The following TP53BP1 variants were observed in gnomAD, a reference collection of about 807,000 sequenced individuals.
The protein encoded by TP53BP1 is TP53-binding protein 1.
Under a neutral mutation model 200.8 loss-of-function variants are expected in TP53BP1, and 61 were observed. The ratio of observed to expected loss-of-function variants is 0.30; its 90% CI spans 0.25 to 0.38. The LOEUF is 0.38. Ranked by LOEUF, TP53BP1 falls within the 10% of genes least tolerant of loss-of-function variation. TP53BP1 has a pLI of 1.00. For synonymous variants in TP53BP1, 822 were observed against 844.3 expected, an observed-to-expected ratio of 0.97 and a Z score of 0.46; for missense variants, 2,144 against 2,371.9, an observed-to-expected ratio of 0.90 and a Z score of 2.00.
At chr15:43,415,932 A>G (rs985125667) in intron 22 of TP53BP1, 123 bp from the exon 23 acceptor site, 3 of 834,864 alleles carry the variant, frequency 3.6e-6, no homozygotes, top group Non-Finnish European at 5.7e-6. Context: ...CCATGAGGCC[A>G]AGAAGCTTCT....
rs377633035 is a variant in TP53BP1 at position 43,408,109 on chromosome 15, G to A, written c.5601-21C>T. On this transcript the variant is annotated intron_variant, in intron 26 of 27. Transcript: ENST00000382044. ...GTTGCCTATGAAGGAGACAGGAAAG[G>A]ACCTTAGCATGACAAGTAATATCCA... The A allele has an allele frequency of 3.3e-5, 53 of 1,610,502 alleles. No homozygotes were observed. In the African/African-American group the frequency reaches 5.2e-4, roughly 16 times the overall value.
upstream of TP53BP1, among the ~76,000 whole-genome samples, chr15:43,494,917 A>T (rs1327373242): frequency 1.3e-5 from 2 of 152,238 alleles, no homozygotes; most frequent in African/African-American, 4.8e-5. Flanking sequence ...GGCTGGGCGC[A>T]GTGGCTTACA....
intron 20 of TP53BP1, 143 bp from the exon 21 acceptor site, chr15:43,420,878 T>C (rs2045380282): frequency 1.5e-6 from 2 of 1,296,816 alleles, no homozygotes; most frequent in Admixed American, 2.4e-5. Flanking sequence ...CTGGTCTCTC[T>C]GTGGCCTCAC....
chr15:43,463,060 A>T (rs1399162611), intron 11 of TP53BP1, among the ~76,000 whole-genome samples: 1 of 152,208 alleles, frequency 6.6e-6, no homozygotes, highest in Non-Finnish European at 1.5e-5. Context: ...CCATCTCAAA[A>T]AAAACACAAA....
rs2045925251 is a variant in TP53BP1 at position 43,441,552 on chromosome 15, A to G, written c.3072T>C (p.Ser1024=). 1 of 1,613,488 alleles carries G rather than the reference A, an allele frequency of 6.2e-7. No individual in the cohort carries two copies. Among genetic ancestry groups the G allele is most frequent in the Non-Finnish European group, 8.5e-7 (1 of 1,179,542 alleles). ...KPATGERKNG[S]TAVAESVASP... is the part of the protein sequence containing the mutation. ...TGGCAACAGACTCAGCAACAGCAGT[A>G]GATCCATTTTTTCTTTCACCAGTTG... The change falls in exon 15 of 28, where the codon TCT becomes TCC. Residue 1024 remains serine, a synonymous_variant. Transcript: ENST00000382044.
chr15:43,482,535 G>A lies in TP53BP1; in HGVS notation c.372-1513C>T, dbSNP rs140389884. On this transcript the variant is annotated intron_variant, in intron 4 of 27. Transcript: ENST00000382044. Reference sequence around the variant, plus strand: ...TGTAATCCCAGCACTTTGGGAGGCCGAAACAGGCGGATCACAAGGTCAGGA... The same window carrying A: ...TGTAATCCCAGCACTTTGGGAGGCCAAAACAGGCGGATCACAAGGTCAGGA... Among the ~76,000 whole-genome samples, 1,062 of 152,240 alleles carry A rather than the reference G, an allele frequency of 7.0e-3. 16 individuals carry two copies. The highest frequency in any genetic ancestry group is 0.038 in the East Asian group (198 of 5,164).
intron 11 of TP53BP1, among the ~76,000 whole-genome samples, chr15:43,460,124 TA>T (rs1349170788): frequency 6.6e-6 from 1 of 152,218 alleles, no homozygotes; most frequent in Non-Finnish European, 1.5e-5. Context: ...AATACTTCAA[TA>T]TTTTTAAAAA....
chr15:43,444,806 T>C (rs557604735), intron 14 of TP53BP1, among the ~76,000 whole-genome samples: 1 of 152,266 alleles, frequency 6.6e-6, no homozygotes, highest in South Asian at 2.1e-4. Flanking sequence ...CTTCAATAGC[T>C]TCCCCTCCCA....
chr15:43,463,372 CAT>C, intron 11 of TP53BP1, among the ~76,000 whole-genome samples: 1 of 152,270 alleles, frequency 6.6e-6, no homozygotes, highest in South Asian at 2.1e-4. Context: ...TCTCTTTACA[CAT>C]ATTTAAATCT....
chr15:43,477,875 A>G (rs918743435), intron 7 of TP53BP1, 116 bp from the exon 8 acceptor site: 33 of 704,180 alleles, frequency 4.7e-5, no homozygotes, highest in Admixed American at 6.8e-5. Context: ...CAGTGGCTCT[A>G]ATTTACATAA....
rs1405905682 is a variant in TP53BP1 at position 43,407,055 on chromosome 15, G to GGAAT, written c.*324_*327dup. ...TTAGACACCCTGGAATAACCTTTTG[G>GGAAT]GAATGATGCCACAGAATAAAGTTCA... On this transcript the variant is annotated 3_prime_UTR_variant, in exon 28 of 28. Transcript: ENST00000382044. The GGAAT allele has an allele frequency of 1.5e-5, 4 of 258,288 alleles. No homozygotes were observed. The highest frequency in any genetic ancestry group is 9.3e-5 in the East Asian group (1 of 10,768). The allele number at this position is 258,288 out of a possible 1,614,324, so 16.0% of individuals were successfully genotyped here.
At position 43,406,621 on chromosome 15, in the gene TP53BP1, T is replaced by A. The variant is rs2044898285; in HGVS notation, c.*762A>T. 2.2e-6 allele frequency: 1 copy of A among 455,908 alleles called. No individual in the cohort carries two copies. The allele number at this position is 455,908 out of a possible 1,614,324, so 28.2% of individuals were successfully genotyped here. ...TACAGAAAAAAACCTTGTTGACCCCTGCTTTAGAGAATGAGAAGCCATGCA... is the reference window on the plus strand; with the variant it reads ...TACAGAAAAAAACCTTGTTGACCCCAGCTTTAGAGAATGAGAAGCCATGCA... On this transcript the variant is annotated 3_prime_UTR_variant, in exon 28 of 28. Coordinates refer to ENST00000382044, the MANE Select transcript of TP53BP1 (RefSeq NM_001141980.3).
rs1019277766 is a variant in TP53BP1 at position 43,479,674 on chromosome 15, A to G, written c.659-148T>C. The G allele has an allele frequency of 3.4e-6, 4 of 1,165,460 alleles. No individual in the cohort carries two copies. The South Asian group carries it at 4.9e-5, about 14-fold the overall frequency. 72.2% of individuals were successfully genotyped at this position (1,165,460 alleles called of 1,614,324 possible). A position where few individuals can be genotyped will look rare whatever the true frequency, so the allele number is the denominator to read the frequency against. On this transcript the variant is annotated intron_variant, in intron 6 of 27. Coordinates refer to ENST00000382044, the MANE Select transcript of TP53BP1 (RefSeq NM_001141980.3). ...ATCAGTCTATAAAGGAAAGTAACCA[A>G]TAACTTAAAACCTCAGCCCACAAAC...
At position 43,491,586 on chromosome 15, in the gene TP53BP1, T is replaced by C; in HGVS notation, c.371+83A>G. The C allele has an allele frequency of 6.9e-6, 7 of 1,018,830 alleles. No individual in the cohort carries two copies. The Admixed American group carries it at 1.2e-4, about 17-fold the overall frequency. The allele number at this position is 1,018,830 out of a possible 1,614,324, so 63.1% of individuals were successfully genotyped here. A position where few individuals can be genotyped will look rare whatever the true frequency, so the allele number is the denominator to read the frequency against. ...TCCACAAGAAAGAGATTAATCCTTT[T>C]ATCCTTGGGATGAGGCAACAGGTAC... is the stretch of plus-strand genomic sequence containing the variant. On this transcript the variant is annotated intron_variant, in intron 4 of 27. Coordinates refer to ENST00000382044, the MANE Select transcript of TP53BP1 (RefSeq NM_001141980.3).
At chr15:43,483,396 A>C (rs2079002172) in intron 4 of TP53BP1, among the ~76,000 whole-genome samples, 1 of 152,216 alleles carries the variant, frequency 6.6e-6, no homozygotes, top group Non-Finnish European at 1.5e-5. Flanking sequence ...AAACATCAGC[A>C]AACATACACT....
intron 10 of TP53BP1, among the ~76,000 whole-genome samples, chr15:43,470,620 G>T (rs955203052): frequency 3.3e-5 from 5 of 152,082 alleles, no homozygotes; most frequent in African/African-American, 4.8e-5. Flanking sequence ...ATTTATCAAA[G>T]AACTAAGAAA....
chr15:43,492,307 T>C lies in TP53BP1; in HGVS notation c.169A>G (p.Thr57Ala). ...MLSRHLPNLQTHKENPVLDVV... is the reference protein window; with the variant it reads ...MLSRHLPNLQAHKENPVLDVV... ...ACCAACACAGGATTTTCTTTGTGCG[T>C]CTGGAGATTAGGAAGGTGTCGAGAT... Residue 57 changes from threonine to alanine, a missense_variant, in exon 2 of 28, where the codon ACG becomes GCG. Physicochemically the swap from Thr to Ala is moderately conservative, Grantham distance 58 (BLOSUM62 0). Transcript: ENST00000382044. 3.1e-6 allele frequency: 5 copies of C among 1,613,984 alleles called. No homozygotes were observed. The East Asian group carries it at 8.9e-5, about 29-fold the overall frequency.
chr15:43,464,011 C>T (rs1453929333), intron 11 of TP53BP1, among the ~76,000 whole-genome samples: 1 of 152,096 alleles, frequency 6.6e-6, no homozygotes, highest in African/African-American at 2.4e-5. Flanking sequence ...GGGATCTGAC[C>T]AGGCCAAGAT....
At chr15:43,409,825 T>A in intron 24 of TP53BP1, 84 bp from the exon 25 acceptor site, 1 of 607,910 alleles carries the variant, frequency 1.6e-6, no homozygotes, top group Non-Finnish European at 2.7e-6. Context: ...ACTGCCCCCT[T>A]TTCCACTCCC....
Sources: allele counts gnomAD v4.1 joint callset (sites outside exome capture counted in the v4.1 genomes callset), GRCh38; gene constraint gnomAD v4.1.1; transcripts MANE v1.5; gene names NCBI Gene and HGNC (gene_info 2026-07-23, HGNC 2026-07-21).